Variants in DNAH8 observed in about 807,000 individuals in gnomAD.
DNAH8 encodes the protein axonemal beta dynein heavy chain 8.
Under a neutral mutation model 562.1 loss-of-function variants are expected in DNAH8, and 382 were observed. That is an observed-to-expected ratio of 0.68 (90% CI 0.63 to 0.74). DNAH8 has a LOEUF of 0.74. Ranked by LOEUF, DNAH8 falls within the 30% of genes least tolerant of loss-of-function variation. DNAH8 has a pLI of 0.00. For missense variants in DNAH8, 5,203 were observed against 5,620.4 expected (o/e 0.93, Z 2.37); for synonymous variants, 1,881 against 1,919.4 (o/e 0.98, Z 0.52).
At position 38,750,587 on chromosome 6, in the gene DNAH8, C is replaced by T. The variant is rs768161916; in HGVS notation, c.1405C>T (p.Leu469=). 6.4e-7 allele frequency: 1 copy of T among 1,565,960 alleles called. No individual in the cohort carries two copies. The highest frequency in any genetic ancestry group is 8.8e-7 in the Non-Finnish European group (1 of 1,140,938). ...GTGTCAACCTCTCTATAACCATGAC[C>T]TAGTAAGTATGCTTTTAAAGTACAA... ...KVCQPLYNHD[L]VSMAHGIQNL... Residue 469 remains leucine (L), a splice_region_variant and synonymous_variant, in exon 9 of 93, where the codon CTA becomes TTA. Coordinates refer to ENST00000327475, the MANE Select transcript of DNAH8 (RefSeq NM_001206927.2).
chr6:38,851,139 A>G (rs1472405977), intron 38 of DNAH8, among the ~76,000 whole-genome samples: 2 of 152,148 alleles, frequency 1.3e-5, no homozygotes, highest in Non-Finnish European at 2.9e-5. Context: ...TTCATTTTCA[A>G]TCTCTATTTG....
At chr6:38,849,825 T>C (rs1039924181) in intron 37 of DNAH8, among the ~76,000 whole-genome samples, 3 of 152,128 alleles carry the variant, frequency 2.0e-5, no homozygotes, top group African/African-American at 7.2e-5. Context: ...TTTTTCTTTT[T>C]TTCCCCGCCT....
At position 38,782,996 on chromosome 6, in the gene DNAH8, A is replaced by G; in HGVS notation, c.2260-8A>G. On this transcript the variant is annotated splice_region_variant and splice_polypyrimidine_tract_variant and intron_variant, in intron 16 of 92. Coordinates refer to ENST00000327475, the MANE Select transcript of DNAH8 (RefSeq NM_001206927.2). ...TTTTAAAGTAAATCTTTTCCCTTAAAAAAACAGAAAAACTCAGACATTTTA... is the reference window on the plus strand; with the variant it reads ...TTTTAAAGTAAATCTTTTCCCTTAAGAAAACAGAAAAACTCAGACATTTTA... 1 of 1,608,484 alleles carries G rather than the reference A, an allele frequency of 6.2e-7. No individual in the cohort carries two copies. Among genetic ancestry groups the G allele is most frequent in the Non-Finnish European group, 8.5e-7 (1 of 1,178,248 alleles).
At chr6:38,723,547 A>G (rs1762951904) in intron 3 of DNAH8, 76 bp downstream of exon 3, 1 of 1,439,688 alleles carries the variant, frequency 6.9e-7, no homozygotes, top group Non-Finnish European at 9.1e-7. Context: ...GAGTTGTCAT[A>G]AACAGCAACA....
intron 8 of DNAH8, among the ~76,000 whole-genome samples, chr6:38,742,768 G>C (rs1182798497): frequency 4.0e-5 from 6 of 149,868 alleles, no homozygotes; most frequent in Non-Finnish European, 7.5e-5. Flanking sequence ...AGCACAGAAA[G>C]ACAACTGCAC....
In DNAH8 at chr6:38,860,479, C is replaced by G. The variant is rs771108275; in HGVS notation, c.5981C>G (p.Pro1994Arg). The change falls in exon 43 of 93, where the codon CCT becomes CGT. Residue 1994 changes from proline (P) to arginine (R), a missense_variant. By Grantham distance (103) the Pro-to-Arg change is moderately radical. Transcript: ENST00000327475. ...AAGGTAAAAATGCATATCAAATCAC[C>G]TACTGACTTTGAATGGCTAAAACAG... ...DDLVKMHIKS[P>R]TDFEWLKQSR... 1.4e-6 allele frequency: 2 copies of G among 1,446,294 alleles called. No individual in the cohort carries two copies. The highest frequency in any genetic ancestry group is 5.2e-5 in the East Asian group (2 of 38,136). 89.6% of individuals were successfully genotyped at this position (1,446,294 alleles called of 1,614,324 possible). A position where few individuals can be genotyped will look rare whatever the true frequency, so the allele number is the denominator to read the frequency against.
At chr6:38,995,158 A>G (rs1048937065) in intron 88 of DNAH8, among the ~76,000 whole-genome samples, 10 of 151,318 alleles carry the variant, frequency 6.6e-5, no homozygotes, top group Non-Finnish European at 2.9e-5. Flanking sequence ...ACCTTTCAAC[A>G]TTTATGGAAA....
At chr6:38,780,977 G>A (rs998478423) in intron 15 of DNAH8, among the ~76,000 whole-genome samples, 2 of 152,176 alleles carry the variant, frequency 1.3e-5, no homozygotes, top group South Asian at 4.1e-4. Context: ...ATGTAGCTAT[G>A]TGCTCCGTTT....
chr6:39,021,185 T>C (rs929359437), intron 91 of DNAH8, among the ~76,000 whole-genome samples: 3 of 152,214 alleles, frequency 2.0e-5, no homozygotes, highest in African/African-American at 7.2e-5. Flanking sequence ...GTCATTCTAA[T>C]GAGTGAAGAA....
chr6:38,808,532 C>T (rs537120648), intron 24 of DNAH8, among the ~76,000 whole-genome samples: 35 of 152,218 alleles, frequency 2.3e-4, no homozygotes, highest in South Asian at 8.3e-4. Context: ...GACAGTGTGG[C>T]GATTCCTCAA....
intron 44 of DNAH8, 130 bp downstream of exon 44, chr6:38,862,588 T>C: frequency 9.1e-7 from 1 of 1,097,250 alleles, no homozygotes; most frequent in Non-Finnish European, 1.3e-6. Flanking sequence ...ATCCGTATGA[T>C]ATTGCCATTT....
chr6:38,991,860 C>T (rs1764812354), intron 88 of DNAH8, among the ~76,000 whole-genome samples: 1 of 152,198 alleles, frequency 6.6e-6, no homozygotes, highest in Non-Finnish European at 1.5e-5. Context: ...GATGCCTTCC[C>T]TGGCTGTGCT....
chr6:38,875,849 C>T (rs1055865117), intron 53 of DNAH8, 21 bp downstream of exon 53: 2 of 1,493,694 alleles, frequency 1.3e-6, no homozygotes, highest in African/African-American at 2.8e-5. Flanking sequence ...TGAACTATAC[C>T]TTAAATGAAA....
intron 15 of DNAH8, among the ~76,000 whole-genome samples, chr6:38,780,747 C>T (rs1238501533): frequency 6.6e-6 from 1 of 152,060 alleles, no homozygotes; most frequent in Admixed American, 6.5e-5. Flanking sequence ...AAGCTTAACA[C>T]CTGGGTGATG....
intron 59 of DNAH8, 43 bp downstream of exon 59, chr6:38,894,907 G>A (rs749852590): frequency 5.2e-6 from 8 of 1,551,228 alleles, no homozygotes; most frequent in Non-Finnish European, 7.0e-6. Context: ...GACCTGAGAA[G>A]TTTATACTAC....
chr6:38,918,802 C>T (rs1196985824), intron 70 of DNAH8, among the ~76,000 whole-genome samples: 5 of 152,200 alleles, frequency 3.3e-5, no homozygotes, highest in African/African-American at 1.2e-4. Context: ...TACACACTGC[C>T]TCCAGGGCCC....
rs1481472354 is a variant in DNAH8 at position 38,951,500 on chromosome 6, T to C, written c.12431T>C (p.Leu4144Ser). Residue 4144 changes from leucine to serine, a missense_variant, in exon 82 of 93, where the codon TTG (leucine) becomes TCG (serine). Around this residue, in one of 6 missense-constraint regions of DNAH8, gnomAD observed 1,399 missense variants for 1,518.4 expected, o/e 0.92. Coordinates refer to ENST00000327475, the MANE Select transcript of DNAH8 (RefSeq NM_001206927.2). The part of the protein sequence containing the change: ...GSDPTNQIDA[L>S]AKKLKLECRT... ...GACCCCACCAATCAAATTGATGCATTGGCCAAGAAACTGAAACTGGGTAAG... is the reference window on the plus strand; with the variant it reads ...GACCCCACCAATCAAATTGATGCATCGGCCAAGAAACTGAAACTGGGTAAG... The C allele has an allele frequency of 6.2e-7, 1 of 1,613,898 alleles. No homozygotes were observed. The highest frequency in any genetic ancestry group is 8.5e-7 in the Non-Finnish European group (1 of 1,179,886).
chr6:38,962,885 A>G (rs1762703584), intron 82 of DNAH8, among the ~76,000 whole-genome samples: 1 of 152,186 alleles, frequency 6.6e-6, no homozygotes, highest in Non-Finnish European at 1.5e-5. Flanking sequence ...GGAATGGAAA[A>G]CCAAACATAT....
At chr6:38,925,392 G>C (rs1782041193) in intron 73 of DNAH8, among the ~76,000 whole-genome samples, 2 of 151,256 alleles carry the variant, frequency 1.3e-5, no homozygotes, top group South Asian at 2.1e-4. Flanking sequence ...CGGAAGTGCA[G>C]TGCTGTGATC....
Sources: gnomAD v4.1 joint callset for allele counts (sites outside exome capture counted in the v4.1 genomes callset) on GRCh38, gnomAD v4.1.1 for gene constraint, gnomAD v4.1.1 regional missense constraint, MANE v1.5 for transcripts, NCBI Gene and HGNC (gene_info 2026-07-23, HGNC 2026-07-21) for gene names.